The following RGS3 variants were observed in gnomAD, a reference collection of about 807,000 sequenced individuals.
RGS3 encodes regulator of G protein signaling 3.
In RGS3, 80 loss-of-function variants were observed where a neutral mutation model predicts 132.6. The observed-to-expected ratio is 0.60, with a 90% CI of 0.50 to 0.73. RGS3 has a LOEUF of 0.73. Ranked by LOEUF, RGS3 falls within the 30% of genes least tolerant of loss-of-function variation. The probability of loss-of-function intolerance (pLI) is 0.00; values close to 1 mark genes in which losing one functional copy is unlikely to be tolerated. For synonymous variants in RGS3, 598 were observed against 620.6 expected, an observed-to-expected ratio of 0.96 and a Z score of 0.54; for missense variants, 1,382 against 1,530.8, an observed-to-expected ratio of 0.90 and a Z score of 1.62.
At chr9:113,594,131 T>TC (rs756262215) in intron 21 of RGS3, 207 of 1,612,978 alleles carry the variant, frequency 1.3e-4, no homozygotes, top group Non-Finnish European at 1.7e-4. Context: ...GGGAGTCCAG[T>TC]CATCAGGCCA....
chr9:113,514,758 C>T, intron 15 of RGS3, 104 bp downstream of exon 13: 1 of 1,126,928 alleles, frequency 8.9e-7, no homozygotes, highest in Non-Finnish European at 1.3e-6. Context: ...GGACTGAGGG[C>T]CCTGTTTTGG....
At chr9:113,590,182 T>C (rs1195129779) in intron 20 of RGS3, among the ~76,000 whole-genome samples, 3 of 152,372 alleles carry the variant, frequency 2.0e-5, no homozygotes, top group Non-Finnish European at 1.5e-5. Flanking sequence ...CTGGGTCTCC[T>C]TGGGGAAGTG....
At chr9:113,566,806 A>G (rs1162720643) in intron 19 of RGS3, among the ~76,000 whole-genome samples, 1 of 152,186 alleles carries the variant, frequency 6.6e-6, no homozygotes, top group Non-Finnish European at 1.5e-5. Context: ...ACATCTCCTC[A>G]AGGGAAGGAG....
chr9:113,556,858 C>T (rs904646139), intron 19 of RGS3, among the ~76,000 whole-genome samples: 6 of 152,176 alleles, frequency 3.9e-5, no homozygotes, highest in Non-Finnish European at 8.8e-5. Context: ...CCTCCTCTTC[C>T]CTTGGTCTCA....
Position 113,591,665 on chromosome 9 carries a change from C to T in RGS3, c.3080+268C>T. 1 of 456,730 alleles carries T rather than the reference C, an allele frequency of 2.2e-6. No individual in the cohort carries two copies. Among genetic ancestry groups the T allele is most frequent in the Non-Finnish European group, 4.1e-6 (1 of 246,206 alleles). The allele number at this position is 456,730 out of a possible 1,614,324, so 28.3% of individuals were successfully genotyped here. ...GAACCAGAAGCAACCAGCCCGTTTG[C>T]CCTGGCTTTAGCCCAGCTTCTGAGC... On this transcript the variant is annotated intron_variant, in intron 21 of 24. Coordinates refer to ENST00000350696, the Ensembl canonical transcript of RGS3. This position sits in a 1 kb window ranked among gnomAD's most constrained non-coding sequence, Gnocchi z 4.4.
rs558352611 is a variant in RGS3, at chr9:113,564,930, C to T, written c.2038-18520C>T. ...GGGTGGGGGTGTGACAGGGAAGCCT[C>T]GGTGCCTCGGTGATTGGCTTGGTCT... On this transcript the variant is annotated intron_variant, in intron 19 of 24. Transcript: ENST00000350696. 26 of 994,976 alleles carry T rather than the reference C, an allele frequency of 2.6e-5. No individual in the cohort carries two copies. In the East Asian group the frequency reaches 3.3e-4, roughly 13 times the overall value. The allele number at this position is 994,976 out of a possible 1,614,324, so 61.6% of individuals were successfully genotyped here. A position where few individuals can be genotyped will look rare whatever the true frequency, so the allele number is the denominator to read the frequency against.
At chr9:113,501,590 A>G (rs761345779) in intron 10 of RGS3, 32 of 1,558,204 alleles carry the variant, frequency 2.1e-5, no homozygotes, top group African/African-American at 8.1e-5. Context: ...AACCGCTTCA[A>G]TGGGCTCTGC....
chr9:113,478,279 CCTTT>C (rs1338290183), intron 3 of RGS3, among the ~76,000 whole-genome samples: 2 of 152,176 alleles, frequency 1.3e-5, no homozygotes, highest in East Asian at 1.9e-4. Context: ...TTTCCTTCTT[CCTTT>C]GTTTCCTCTT....
intron 10 of RGS3, among the ~76,000 whole-genome samples, chr9:113,499,685 G>T (rs1830806041): frequency 6.6e-6 from 1 of 152,212 alleles, no homozygotes; most frequent in Non-Finnish European, 1.5e-5. Context: ...CCTGTCTAAG[G>T]CCCTGCCCCA....
intron 7 of RGS3, among the ~76,000 whole-genome samples, chr9:113,487,301 C>T (rs915781421): frequency 4.6e-5 from 7 of 150,928 alleles, no homozygotes; most frequent in South Asian, 2.1e-4. Context: ...TTAGTAGAGA[C>T]GGGGTTTCAC....
intron 14 of RGS3, among the ~76,000 whole-genome samples, chr9:113,511,149 TG>T (rs1831382746): frequency 1.3e-5 from 2 of 152,230 alleles, no homozygotes; most frequent in South Asian, 4.1e-4. Flanking sequence ...GGGCTGCTGG[TG>T]CCCTTGGCAT....
intron 3 of RGS3, 135 bp downstream of exon 1, chr9:113,464,016 T>G: frequency 1.1e-6 from 1 of 896,574 alleles, no homozygotes. Flanking sequence ...TCTGGCCCCT[T>G]TCTCCTGTGA....
At position 113,506,455 on chromosome 9, in the gene RGS3, G is replaced by A. The variant is rs1180030572; in HGVS notation, c.1047G>A (p.Val349=). The A allele has an allele frequency of 6.3e-7, 1 of 1,598,188 alleles. No individual in the cohort carries two copies. The highest frequency in any genetic ancestry group is 8.5e-7 in the Non-Finnish European group (1 of 1,173,730). Residue 349 remains valine (V), a synonymous_variant, in exon 12 of 25, where the codon GTG becomes GTA. Coordinates refer to ENST00000350696, the Ensembl canonical transcript of RGS3. This position sits in a 1 kb window ranked among gnomAD's most constrained non-coding sequence, Gnocchi z 4.7. ...TGCTGCAGCTGAATGAGAGGCCTGT[G>A]GAGCACTGGAAATGTGTGGAGCTGG...
chr9:113,514,173 G>T (rs1200856900), intron 14 of RGS3, among the ~76,000 whole-genome samples: 1 of 152,182 alleles, frequency 6.6e-6, no homozygotes, highest in Non-Finnish European at 1.5e-5. Flanking sequence ...GTCAGCAGGT[G>T]GAGTGTGCTG....
rs1215199512 is a variant in RGS3, at chr9:113,565,995, C to T, written c.2038-17455C>T. Among the ~76,000 whole-genome samples the T allele has an allele frequency of 1.3e-5, 2 of 151,836 alleles. No individual in the cohort carries two copies. Among genetic ancestry groups the T allele is most frequent in the African/African-American group, 4.8e-5 (2 of 41,294 alleles). On this transcript the variant is annotated intron_variant, in intron 19 of 24. Transcript: ENST00000350696. The surrounding 1 kb of genome is among the most constrained non-coding windows in gnomAD (Gnocchi z 5.7). ...TTCCTCTGTTGGCTGCTCCCCACTT[C>T]TAGGCTGGACAGCCAGCTTTTCTTT...
chr9:113,456,811 T>A (rs187201560), upstream of RGS3, among the ~76,000 whole-genome samples: 35 of 152,370 alleles, frequency 2.3e-4, no homozygotes, highest in East Asian at 3.1e-3. Context: ...TTATTTATTT[T>A]TTTTTTGAGA....
intron 3 of RGS3, among the ~76,000 whole-genome samples, chr9:113,472,872 CTACAAAAAA>C (rs1829876076): frequency 6.6e-6 from 1 of 152,030 alleles, no homozygotes; most frequent in Non-Finnish European, 1.5e-5. Flanking sequence ...AACTCTGTCT[CTACAAAAAA>C]TACAAAAAAT....
At chr9:113,558,641 G>A (rs1463472945) in intron 19 of RGS3, among the ~76,000 whole-genome samples, 2 of 152,176 alleles carry the variant, frequency 1.3e-5, no homozygotes, top group African/African-American at 4.8e-5. Flanking sequence ...AAGTTAGTGA[G>A]TTCTCATGAA....
At chr9:113,501,706 T>A (rs1830905412) in intron 10 of RGS3, 2 of 1,408,328 alleles carry the variant, frequency 1.4e-6, no homozygotes, top group East Asian at 2.5e-5. Context: ...GAGAAGGATC[T>A]CGCTCCTCAC....
Sources: gnomAD v4.1 joint callset for allele counts (sites outside exome capture counted in the v4.1 genomes callset) on GRCh38, gnomAD v4.1.1 for gene constraint, Gnocchi (gnomAD v3.1) non-coding constraint, MANE v1.5 for transcripts, NCBI Gene and HGNC (gene_info 2026-07-23, HGNC 2026-07-21) for gene names.